The following MYH3 variants were observed in gnomAD, a reference collection of about 807,000 sequenced individuals.
MYH3 encodes myosin-3.
A neutral mutation model predicts 238.0 loss-of-function variants in MYH3; 130 were observed. That is an observed-to-expected ratio of 0.55 (90% CI 0.47 to 0.63). The LOEUF (loss-of-function observed/expected upper bound fraction) is 0.63. MYH3 is among the 30% of genes least tolerant of loss of function. The probability of loss-of-function intolerance (pLI) is 0.00; values close to 1 mark genes in which losing one functional copy is unlikely to be tolerated. For missense variants in MYH3, 1,853 were observed against 2,374.9 expected (o/e 0.78, Z 4.57); for synonymous variants, 880 against 924.1 (o/e 0.95, Z 0.86).
intron 12 of MYH3, among the ~76,000 whole-genome samples, chr17:10,645,298 G>C (rs1212862372): frequency 6.6e-6 from 1 of 152,000 alleles, no homozygotes; most frequent in Non-Finnish European, 1.5e-5. Context: ...CAGGCGCGGT[G>C]GTGTGTGCCT....
chr17:10,635,788 C>T lies in MYH3; in HGVS notation c.3922G>A (p.Ala1308Thr), dbSNP rs1162744793. 1 of 1,614,204 alleles carries T rather than the reference C, an allele frequency of 6.2e-7. No homozygotes were observed. The highest frequency in any genetic ancestry group is 1.7e-5 in the Admixed American group (1 of 60,012). Residue 1308 changes from alanine to threonine, a missense_variant, in exon 29 of 41, where the codon GCC becomes ACC. Around this residue, in one of 3 missense-constraint regions of MYH3, gnomAD observed 1,044 missense variants for 1,192.6 expected, o/e 0.88. Transcript: ENST00000583535. The stretch of plus-strand genomic sequence containing the variant: ...AGCTCTTCTGTTTGCTGGGTAAAGG[C>T]TTGCTTGCTCCTGGAAAGTTGGGAT... ...IVSQLSRSKQ[A>T]FTQQTEELKR...
At position 10,630,369 on chromosome 17, in the gene MYH3, C is replaced by T; in HGVS notation, c.5376G>A (p.Lys1792=). ...CCTCATCTAGACGATGCTGCAGGTC[C>T]TTCACCGTCTGTTCCAGGTTCTTCT... ...RMKKNLEQTV[K]DLQHRLDEAE... is the part of the protein sequence containing the mutation. Residue 1792 remains lysine, a synonymous_variant, in exon 37 of 41, where the codon AAG becomes AAA. Transcript: ENST00000583535. 6.2e-7 allele frequency: 1 copy of T among 1,614,214 alleles called. No homozygotes were observed. Among genetic ancestry groups the T allele is most frequent in the Non-Finnish European group, 8.5e-7 (1 of 1,180,040 alleles).
In MYH3 at chr17:10,654,972, G is replaced by C; in HGVS notation, c.93C>G (p.Pro31=). The change falls in exon 3 of 41, where the codon CCC becomes CCG. Residue 31 remains proline (P), a synonymous_variant. Coordinates refer to ENST00000583535, the MANE Select transcript of MYH3 (RefSeq NM_002470.4). This position sits in a 1 kb window ranked among gnomAD's most constrained non-coding sequence, Gnocchi z 4.5. ...EKERIEAQNQ[P]FDAKTYCFVV... ...CGAAGCAATACGTCTTGGCATCAAA[G>C]GGCTGGTTCTGAGCCTCGATCCTCT... 6.2e-7 allele frequency: 1 copy of C among 1,614,172 alleles called. No homozygotes were observed. The highest frequency in any genetic ancestry group is 8.5e-7 in the Non-Finnish European group (1 of 1,180,032).
intron 22 of MYH3, 77 bp downstream of exon 22, chr17:10,639,919 C>G: frequency 6.3e-7 from 1 of 1,589,468 alleles, no homozygotes; most frequent in Non-Finnish European, 8.5e-7. Flanking sequence ...AAAATCCCCA[C>G]CAATAACTCA....
Position 10,631,713 on chromosome 17 carries a change from C to G in MYH3, c.5184G>C (p.Lys1728Asn), listed in dbSNP as rs138116592. The change falls in exon 36 of 41, where the codon AAG becomes AAC. Residue 1728 changes from lysine (K) to asparagine (N), a missense_variant. Transcript: ENST00000583535. Reference sequence around the variant, plus strand: ...GCATGAGGTCTGTCTCCAGCTTCTTCTTGGTGTGGATGAGGCTGGTGTTCT... The same window carrying G: ...GCATGAGGTCTGTCTCCAGCTTCTTGTTGGTGTGGATGAGGCTGGTGTTCT... Reference protein sequence around the residue: ...HTQNTSLIHTKKKLETDLMQL... With the variant: ...HTQNTSLIHTNKKLETDLMQL... The G allele has an allele frequency of 1.2e-6, 2 of 1,614,198 alleles. No homozygotes were observed. Among genetic ancestry groups the G allele is most frequent in the Non-Finnish European group, 1.7e-6 (2 of 1,180,038 alleles).
At chr17:10,644,869 G>T (rs981865817) in intron 12 of MYH3, among the ~76,000 whole-genome samples, 167 bp from the exon 13 acceptor site, 6 of 152,178 alleles carry the variant, frequency 3.9e-5, no homozygotes, top group Non-Finnish European at 8.8e-5. Context: ...GAATATAATG[G>T]ACTTTATGAA....
At chr17:10,663,278 C>T in the MYH3 span, among the ~76,000 whole-genome samples, 1 of 152,138 alleles carries the variant, frequency 6.6e-6, no homozygotes, top group African/African-American at 2.4e-5. Flanking sequence ...TCCAAATGAA[C>T]TGTATGGTAC....
intron 30 of MYH3, 51 bp downstream of exon 30, chr17:10,635,316 C>T (rs1410036986): frequency 3.7e-6 from 6 of 1,613,550 alleles, no homozygotes; most frequent in Non-Finnish European, 4.2e-6. Context: ...AAAATAAATT[C>T]ATCGAATTCA....
chr17:10,647,067 T>A, intron 10 of MYH3, 115 bp downstream of exon 10: 1 of 833,528 alleles, frequency 1.2e-6, no homozygotes, highest in Non-Finnish European at 2.0e-6. Flanking sequence ...ATAAATAAAA[T>A]AAAATAAACT....
chr17:10,629,031 T>C (rs1185095211), intron 40 of MYH3, among the ~76,000 whole-genome samples: 2 of 152,198 alleles, frequency 1.3e-5, no homozygotes, highest in Admixed American at 6.5e-5. Flanking sequence ...CGGTTTGTTT[T>C]GTTTTGTTGG....
chr17:10,669,203 T>A, the MYH3 span, among the ~76,000 whole-genome samples: 1 of 152,178 alleles, frequency 6.6e-6, no homozygotes, highest in African/African-American at 2.4e-5. Flanking sequence ...ATTTTCCCTA[T>A]ACAAATTAAA....
chr17:10,652,375 C>T (rs1217365461), intron 4 of MYH3, 45 bp downstream of exon 4: 1 of 1,608,046 alleles, frequency 6.2e-7, no homozygotes, highest in Admixed American at 1.7e-5. Context: ...CCCCTGCCCG[C>T]ATATCTAATG....
At position 10,645,591 on chromosome 17, in the gene MYH3, G is replaced by A. The variant is rs1487998326; in HGVS notation, c.1141+116C>T. On this transcript the variant is annotated intron_variant, in intron 12 of 40. Coordinates refer to ENST00000583535, the MANE Select transcript of MYH3 (RefSeq NM_002470.4). Reference sequence around the variant, plus strand: ...GGCCCCCTCAGCCTCCCAAAGTGCTGGGATTACAGGTGTGAGCCACTGTGC... The same window carrying A: ...GGCCCCCTCAGCCTCCCAAAGTGCTAGGATTACAGGTGTGAGCCACTGTGC... The A allele has an allele frequency of 1.6e-5, 22 of 1,349,700 alleles. No homozygotes were observed. In the Admixed American group the frequency reaches 3.6e-4, roughly 22 times the overall value. 83.6% of individuals were successfully genotyped at this position (1,349,700 alleles called of 1,614,324 possible).
At position 10,642,811 on chromosome 17, in the gene MYH3, G is replaced by A. The variant is rs747812508; in HGVS notation, c.1581+15C>T. 1.9e-6 allele frequency: 3 copies of A among 1,614,122 alleles called. No homozygotes were observed. In the African/African-American group the frequency reaches 4.0e-5, roughly 22 times the overall value. The stretch of plus-strand genomic sequence containing the variant: ...GTCTATGAGAAGAGCTTACGGTGGG[G>A]ATGGAACTGGATACCTTCTCGATGA... On this transcript the variant is annotated intron_variant, in intron 15 of 40. Coordinates refer to ENST00000583535, the MANE Select transcript of MYH3 (RefSeq NM_002470.4). The surrounding 1 kb of genome is among the most constrained non-coding windows in gnomAD (Gnocchi z 5.4).
Position 10,640,572 on chromosome 17 carries a change from T to A in MYH3, c.2280A>T (p.Gly760=). Residue 760 remains glycine, a synonymous_variant, in exon 20 of 41, where the codon GGA becomes GGT. Transcript: ENST00000583535. ...IDIDHTQYKF[G]HTKVFFKAGL... The stretch of plus-strand genomic sequence containing the variant: ...AGAACTGATGCATTACCTTGGTATG[T>A]CCAAATTTGTACTGAGTGTGGTCAA... 1 of 1,614,246 alleles carries A rather than the reference T, an allele frequency of 6.2e-7. No homozygotes were observed. The highest frequency in any genetic ancestry group is 8.5e-7 in the Non-Finnish European group (1 of 1,180,040).
At chr17:10,677,732 G>T in the MYH3 span, 1 of 152,112 alleles carries the variant, frequency 6.6e-6, no homozygotes, top group Non-Finnish European at 1.5e-5. Context: ...ATAAACAAGT[G>T]GCATTTCTTA....
At chr17:10,676,084 T>C in the MYH3 span, 1 of 152,058 alleles carries the variant, frequency 6.6e-6, no homozygotes, top group African/African-American at 2.4e-5. Context: ...GAAACTGTGG[T>C]TGTTTTTTTC....
At position 10,639,976 on chromosome 17, in the gene MYH3, AAAG is replaced by A; in HGVS notation, c.2682+17_2682+19del. 1 of 1,607,918 alleles carries A rather than the reference AAAG, an allele frequency of 6.2e-7. No individual in the cohort carries two copies. Among genetic ancestry groups the A allele is most frequent in the Non-Finnish European group, 8.5e-7 (1 of 1,178,380 alleles). ...AATCTAGAAGAGTTAAAAAAAAAAA[AAAG>A]ATTGCTAAACACGTACAGCTTGTAC... On this transcript the variant is annotated intron_variant, in intron 22 of 40. Coordinates refer to ENST00000583535, the MANE Select transcript of MYH3 (RefSeq NM_002470.4).
chr17:10,635,725 A>T lies in MYH3; in HGVS notation c.3975+10T>A. 12 of 1,613,202 alleles carry T rather than the reference A, an allele frequency of 7.4e-6. No homozygotes were observed. The highest frequency in any genetic ancestry group is 1.0e-5 in the Non-Finnish European group (12 of 1,179,138). On this transcript the variant is annotated intron_variant, in intron 29 of 40. Coordinates refer to ENST00000583535, the MANE Select transcript of MYH3 (RefSeq NM_002470.4). The stretch of plus-strand genomic sequence containing the variant: ...AATAAGGGCAAAGAAGTCTTCCTTC[A>T]ATGGTGTACCTTGTTCTCTTCCTCC...
Sources: allele counts gnomAD v4.1 joint callset (sites outside exome capture counted in the v4.1 genomes callset), GRCh38; gene constraint gnomAD v4.1.1; regional missense constraint gnomAD v4.1.1; non-coding constraint Gnocchi (gnomAD v3.1); transcripts MANE v1.5; gene names NCBI Gene and HGNC (gene_info 2026-07-23, HGNC 2026-07-21).